The following PDS5A variants were observed in gnomAD, a reference collection of about 807,000 sequenced individuals.
The protein encoded by PDS5A is sister chromatid cohesion protein PDS5 homolog A.
Under a neutral mutation model 167.1 loss-of-function variants are expected in PDS5A, and 42 were observed. That is an observed-to-expected ratio of 0.25 (90% CI 0.20 to 0.33). The LOEUF (loss-of-function observed/expected upper bound fraction) is 0.33, where lower values mean the gene tolerates loss of function less well. PDS5A is among the 10% of genes least tolerant of loss of function. PDS5A has a pLI of 1.00. For missense variants in PDS5A, 1,033 were observed against 1,605.9 expected (o/e 0.64, Z 6.10); for synonymous variants, 553 against 554.6 (o/e 1.00, Z 0.04).
chr4:39,958,506 C>CAAA (rs370128527), intron 2 of PDS5A, among the ~76,000 whole-genome samples: 16 of 80,398 alleles, frequency 2.0e-4, no homozygotes, highest in South Asian at 3.9e-4. Flanking sequence ...AACTGTGTCT[C>CAAA]AAAAAAAAAA....
intron 30 of PDS5A, among the ~76,000 whole-genome samples, chr4:39,842,792 A>G (rs1578587337): frequency 6.6e-6 from 1 of 151,234 alleles, no homozygotes; most frequent in South Asian, 2.1e-4. Context: ...TATGAAAAAA[A>G]TTGCAGGTAG....
intron 2 of PDS5A, among the ~76,000 whole-genome samples, chr4:39,945,083 A>G (rs1727621950): frequency 6.6e-6 from 1 of 152,152 alleles, no homozygotes; most frequent in East Asian, 1.9e-4. Flanking sequence ...TAATACAATG[A>G]TATCTATGAG....
intron 2 of PDS5A, among the ~76,000 whole-genome samples, chr4:39,966,174 T>G (rs185827948): frequency 6.6e-6 from 1 of 152,328 alleles, no homozygotes; most frequent in Admixed American, 6.5e-5. Context: ...GCAATACAAA[T>G]ATTAAAACAT....
At chr4:39,893,841 C>A (rs1348296584) in intron 16 of PDS5A, among the ~76,000 whole-genome samples, 2 of 152,192 alleles carry the variant, frequency 1.3e-5, no homozygotes, top group African/African-American at 4.8e-5. Context: ...ATAATGAACT[C>A]ATGCTCTTAC....
At chr4:39,889,531 A>T (rs534383229) in intron 17 of PDS5A, among the ~76,000 whole-genome samples, 2 of 152,386 alleles carry the variant, frequency 1.3e-5, no homozygotes, top group African/African-American at 4.8e-5. Flanking sequence ...AGTGCTGCAT[A>T]GTAACTGAAT....
intron 14 of PDS5A, 56 bp from the exon 15 acceptor site, chr4:39,898,881 C>A: frequency 1.7e-6 from 2 of 1,176,700 alleles, no homozygotes; most frequent in Non-Finnish European, 2.5e-6. Flanking sequence ...AACAAATTTC[C>A]CTAACAAAAA....
intron 32 of PDS5A, among the ~76,000 whole-genome samples, chr4:39,831,274 T>C (rs1443978287): frequency 6.6e-6 from 1 of 152,178 alleles, no homozygotes; most frequent in Non-Finnish European, 1.5e-5. Flanking sequence ...CTAAATTTTG[T>C]ATTTTTATTA....
At chr4:39,911,676 CA>C (rs1227768586) in intron 9 of PDS5A, among the ~76,000 whole-genome samples, 1 of 151,462 alleles carries the variant, frequency 6.6e-6, no homozygotes, top group Non-Finnish European at 1.5e-5. Flanking sequence ...ACTAAAAATA[CA>C]AAAAATTAGC....
At chr4:39,950,894 AT>A (rs957118529) in intron 2 of PDS5A, among the ~76,000 whole-genome samples, 5 of 151,192 alleles carry the variant, frequency 3.3e-5, no homozygotes, top group Admixed American at 2.0e-4. Flanking sequence ...CCCACCCTGA[AT>A]TTTTTTTTGG....
At chr4:39,854,458 T>C (rs1350878595) in intron 26 of PDS5A, among the ~76,000 whole-genome samples, 1 of 152,236 alleles carries the variant, frequency 6.6e-6, no homozygotes, top group African/African-American at 2.4e-5. Context: ...CTGCTGTTCC[T>C]TTGACCTCCA....
chr4:39,924,627 TGAG>T (rs1342646614), intron 5 of PDS5A, among the ~76,000 whole-genome samples: 2 of 152,228 alleles, frequency 1.3e-5, no homozygotes, highest in Non-Finnish European at 2.9e-5. Flanking sequence ...ATGTGAAACA[TGAG>T]GAGGGCCACA....
At chr4:39,852,154 A>G (rs1718171764) in intron 26 of PDS5A, among the ~76,000 whole-genome samples, 1 of 152,220 alleles carries the variant, frequency 6.6e-6, no homozygotes, top group Non-Finnish European at 1.5e-5. Flanking sequence ...GCTATCTAAC[A>G]TGAACCAATT....
intron 32 of PDS5A, among the ~76,000 whole-genome samples, chr4:39,827,866 A>G (rs1578556107): frequency 6.6e-6 from 1 of 152,224 alleles, no homozygotes; most frequent in East Asian, 1.9e-4. Flanking sequence ...GCTCATCTTC[A>G]AGGAAGAATT....
chr4:39,854,137 TAAAA>T (rs1038992375), intron 26 of PDS5A, among the ~76,000 whole-genome samples: 1 of 151,648 alleles, frequency 6.6e-6, no homozygotes, highest in Non-Finnish European at 1.5e-5. Context: ...CTCCATCTCT[TAAAA>T]AAAATACAAA....
At chr4:39,891,285 C>T (rs942110485) in intron 16 of PDS5A, among the ~76,000 whole-genome samples, 5 of 151,924 alleles carry the variant, frequency 3.3e-5, no homozygotes, top group Admixed American at 1.3e-4. Context: ...CAACCCGCCT[C>T]GGCCTCCCAA....
chr4:39,833,925 G>A (rs1716153518), intron 32 of PDS5A, among the ~76,000 whole-genome samples: 1 of 152,180 alleles, frequency 6.6e-6, no homozygotes, highest in Admixed American at 6.5e-5. Flanking sequence ...ACCCAGATCA[G>A]CTGTAGACAA....
At chr4:39,832,043 G>T (rs1201982427) in intron 32 of PDS5A, among the ~76,000 whole-genome samples, 1 of 148,020 alleles carries the variant, frequency 6.8e-6, no homozygotes, top group Non-Finnish European at 1.5e-5. Flanking sequence ...GAATGAACCC[G>T]GGAGGCAGAG....
chr4:39,876,970 C>G, intron 19 of PDS5A, 23 bp downstream of exon 19: 1 of 1,570,820 alleles, frequency 6.4e-7, no homozygotes, highest in Non-Finnish European at 8.7e-7. Context: ...TTGTATTTAC[C>G]ACGGGAGAAA....
intron 32 of PDS5A, among the ~76,000 whole-genome samples, chr4:39,826,933 T>C (rs1358767100): frequency 1.3e-5 from 2 of 152,216 alleles, no homozygotes; most frequent in Non-Finnish European, 2.9e-5. Flanking sequence ...AGCTAAGTGA[T>C]TATTACAATT....
Sources: gnomAD v4.1 joint callset for allele counts (sites outside exome capture counted in the v4.1 genomes callset) on GRCh38, gnomAD v4.1.1 for gene constraint, MANE v1.5 for transcripts, NCBI Gene and HGNC (gene_info 2026-07-23, HGNC 2026-07-21) for gene names.